HSPD1: variants seen among roughly 807,000 people sequenced by gnomAD.
HSPD1 encodes 60 kDa heat shock protein, mitochondrial.
A neutral mutation model predicts 53.0 loss-of-function variants in HSPD1; 3 were observed. The observed-to-expected ratio is 0.06, with a 90% CI of 0.03 to 0.15. The LOEUF is 0.15. Ranked by LOEUF, HSPD1 falls within the 10% of genes least tolerant of loss-of-function variation. The pLI, the probability that HSPD1 is intolerant of heterozygous loss-of-function variation, is 1.00. For missense variants in HSPD1, 431 were observed against 694.1 expected (o/e 0.62, Z 4.26); for synonymous variants, 200 against 228.0 (o/e 0.88, Z 1.10).
chr2:197,498,611 G>A (rs2086191534), intron 2 of HSPD1, 64 bp downstream of exon 2: 4 of 1,373,548 alleles, frequency 2.9e-6, no homozygotes, highest in Non-Finnish European at 4.2e-6. Context: ...AGTTCAGTGC[G>A]ACTATTTGTG....
At chr2:197,494,820 T>G in intron 4 of HSPD1, 68 bp from the exon 5 acceptor site, 1 of 1,016,386 alleles carries the variant, frequency 9.8e-7, no homozygotes, top group East Asian at 2.4e-5. Context: ...TTCCCTTACC[T>G]TTTCCTAGTA....
chr2:197,493,318 T>C lies in HSPD1; in HGVS notation c.869+6A>G. On this transcript the variant is annotated splice_donor_region_variant and intron_variant, in intron 7 of 11. Transcript: ENST00000388968. ...ATATAAATCAACAAATACCACTGCTTATTACCTATTCAAGACGAGTGTACT... is the reference window on the plus strand; with the variant it reads ...ATATAAATCAACAAATACCACTGCTCATTACCTATTCAAGACGAGTGTACT... 6.2e-7 allele frequency: 1 copy of C among 1,609,536 alleles called. No homozygotes were observed. Among genetic ancestry groups the C allele is most frequent in the Non-Finnish European group, 8.5e-7 (1 of 1,176,038 alleles).
chr2:197,487,036 A>G lies in HSPD1; in HGVS notation c.*10T>C, dbSNP rs765128726. On this transcript the variant is annotated 3_prime_UTR_variant, in exon 12 of 12. Coordinates refer to ENST00000388968, the MANE Select transcript of HSPD1 (RefSeq NM_002156.5). ...AGTTCATTAATAAAGGTAAAGCACT[A>G]GTCTAGGAGTTAGAACATGCCACCT... The G allele has an allele frequency of 8.0e-7, 1 of 1,250,874 alleles. No homozygotes were observed. Among genetic ancestry groups the G allele is most frequent in the Non-Finnish European group, 1.2e-6 (1 of 849,192 alleles). The allele number at this position is 1,250,874 out of a possible 1,614,324, so 77.5% of individuals were successfully genotyped here.
At chr2:197,499,167 C>T (rs2086202929) in intron 1 of HSPD1, 1 of 440,316 alleles carries the variant, frequency 2.3e-6, no homozygotes, top group African/African-American at 2.0e-5. Flanking sequence ...GTGGGCAGAC[C>T]CACTCCAACT....
intron 7 of HSPD1, among the ~76,000 whole-genome samples, chr2:197,492,138 C>CA (rs1337158035): frequency 6.6e-6 from 1 of 152,210 alleles, no homozygotes; most frequent in Non-Finnish European, 1.5e-5. Context: ...GCCTGGGTGA[C>CA]AGAGTCTGTC....
intron 1 of HSPD1, 146 bp from the exon 2 acceptor site, chr2:197,498,996 C>T: frequency 2.6e-6 from 2 of 778,540 alleles, no homozygotes; most frequent in East Asian, 2.7e-5. Flanking sequence ...TGACGGAAGG[C>T]GCCGCAGCTT....
chr2:197,489,774 G>A (rs1463885017), intron 8 of HSPD1, among the ~76,000 whole-genome samples: 2 of 151,922 alleles, frequency 1.3e-5, no homozygotes, highest in African/African-American at 4.8e-5. Context: ...AGGATTGCTT[G>A]AACCCAGAAG....
Position 197,497,382 on chromosome 2 carries a change from A to G in HSPD1, c.185T>C (p.Val62Ala), listed in dbSNP as rs1435924875. 8 of 1,613,556 alleles carry G rather than the reference A, an allele frequency of 5.0e-6. No individual in the cohort carries two copies. The highest frequency in any genetic ancestry group is 6.8e-6 in the Non-Finnish European group (8 of 1,179,642). Residue 62 changes from valine to alanine, a missense_variant, in exon 3 of 12, where the codon GTG becomes GCG. By Grantham distance (64) the Val-to-Ala change is moderately conservative (BLOSUM62 0). Transcript: ENST00000388968. The stretch of plus-strand genomic sequence containing the variant: ...ACTTCCCCAACTCTGCTCAATAATC[A>G]CTGTTCTTCCCTAGAAGAAAAAAAT... The part of the protein sequence containing the change: ...AVTMGPKGRT[V>A]IIEQSWGSPK...
chr2:197,488,631 G>C (rs1292981425), intron 9 of HSPD1, 140 bp from the exon 10 acceptor site: 2 of 827,170 alleles, frequency 2.4e-6, no homozygotes, highest in African/African-American at 3.3e-5. Context: ...CACTTTGGGA[G>C]GCTGAGGTGA....
chr2:197,492,941 A>C (rs559311251), intron 7 of HSPD1, among the ~76,000 whole-genome samples: 13 of 150,206 alleles, frequency 8.7e-5, no homozygotes, highest in African/African-American at 3.2e-4. Context: ...TAGGAGATGG[A>C]GATTGCAGTG....
upstream of HSPD1, chr2:197,500,126 T>C (rs1316392691): frequency 4.2e-6 from 2 of 472,740 alleles, no homozygotes; most frequent in East Asian, 3.6e-5. Context: ...AATCGCGTCA[T>C]TTCCGGGAGG....
chr2:197,498,665 A>G lies in HSPD1; in HGVS notation c.174+10T>C. Reference sequence around the variant, plus strand: ...ATACCGTAATTACAATAAAATAAAAATACTGGTACCTTTGGCCCCATTGTA... The same window carrying G: ...ATACCGTAATTACAATAAAATAAAAGTACTGGTACCTTTGGCCCCATTGTA... On this transcript the variant is annotated intron_variant, in intron 2 of 11. Transcript: ENST00000388968. The G allele has an allele frequency of 6.2e-7, 1 of 1,601,554 alleles. No individual in the cohort carries two copies. The highest frequency in any genetic ancestry group is 1.1e-5 in the South Asian group (1 of 90,844).
At chr2:197,496,249 G>A (rs2086155762) in intron 3 of HSPD1, among the ~76,000 whole-genome samples, 2 of 152,062 alleles carry the variant, frequency 1.3e-5, no homozygotes, top group African/African-American at 4.8e-5. Flanking sequence ...TTTGAGAACT[G>A]TTACTTCAAA....
intron 3 of HSPD1, among the ~76,000 whole-genome samples, chr2:197,496,034 G>T (rs536043683): frequency 2.0e-5 from 3 of 152,264 alleles, no homozygotes; most frequent in African/African-American, 7.2e-5. Flanking sequence ...TGCAAAAAAG[G>T]ACCAAAATGG....
At chr2:197,499,025 C>A in intron 1 of HSPD1, 175 bp from the exon 2 acceptor site, 1 of 693,402 alleles carries the variant, frequency 1.4e-6, no homozygotes, top group Admixed American at 2.3e-5. Flanking sequence ...CAGCCACTAG[C>A]GCAAGCTAAA....
intron 7 of HSPD1, chr2:197,490,619 A>G (rs2086080250): frequency 6.2e-6 from 2 of 324,846 alleles, no homozygotes. Flanking sequence ...TCACGAGGTC[A>G]GGAGTTCGAG....
intron 5 of HSPD1, 46 bp from the exon 6 acceptor site, chr2:197,494,296 A>G (rs2086130311): frequency 1.0e-6 from 1 of 960,842 alleles, no homozygotes; most frequent in Non-Finnish European, 1.7e-6. Context: ...ATTGAACACA[A>G]AACATGGAAT....
In HSPD1 at chr2:197,486,735, G is replaced by A; in HGVS notation, c.*311C>T. 1 of 372,744 alleles carries A rather than the reference G, an allele frequency of 2.7e-6. No homozygotes were observed. Among genetic ancestry groups the A allele is most frequent in the East Asian group, 6.1e-5 (1 of 16,478 alleles). 23.1% of individuals were successfully genotyped at this position (372,744 alleles called of 1,614,324 possible). ...CTAAAATCCTGATTTTAACAGAATA[G>A]TAGTAAAAATGCCTCAGTGATTTAA... On this transcript the variant is annotated 3_prime_UTR_variant, in exon 12 of 12. Transcript: ENST00000388968.
At chr2:197,495,244 A>T in intron 4 of HSPD1, 50 bp downstream of exon 4, 1 of 1,032,396 alleles carries the variant, frequency 9.7e-7, no homozygotes, top group Non-Finnish European at 1.5e-6. Flanking sequence ...AAAAAATCAC[A>T]CATGCCATTA....
Sources: gnomAD v4.1 joint callset for allele counts (sites outside exome capture counted in the v4.1 genomes callset) on GRCh38, gnomAD v4.1.1 for gene constraint, MANE v1.5 for transcripts, NCBI Gene and HGNC (gene_info 2026-07-23, HGNC 2026-07-21) for gene names.